Variants in RBFOX1 observed in about 807,000 individuals in gnomAD.
RBFOX1 encodes RNA binding protein fox-1 homolog 1.
A neutral mutation model predicts 57.7 loss-of-function variants in RBFOX1; 8 were observed. The observed-to-expected ratio is 0.14, with a 90% CI of 0.08 to 0.25. The LOEUF is 0.25. Among genes scored for constraint, RBFOX1 ranks in the 10% least tolerant of loss-of-function variants. The pLI is 1.00. For missense variants in RBFOX1, 611 were observed against 548.5 expected (o/e 1.11, Z -1.14); for synonymous variants, 326 against 222.4 (o/e 1.47, Z -4.15).
At chr16:6,390,744 T>C (rs1278393303) in intron 2 of RBFOX1, among the ~76,000 whole-genome samples, 2 of 152,152 alleles carry the variant, frequency 1.3e-5, no homozygotes. Context: ...GGAGCACCTA[T>C]AAATATCGGG....
At chr16:6,812,312 C>T (rs1340332616) in intron 3 of RBFOX1, among the ~76,000 whole-genome samples, 1 of 152,124 alleles carries the variant, frequency 6.6e-6, no homozygotes, top group Non-Finnish European at 1.5e-5. Flanking sequence ...ACTAACAGAA[C>T]CTTAGAAAGG....
chr16:7,043,991 T>C (rs2047044906), intron 3 of RBFOX1, among the ~76,000 whole-genome samples: 1 of 152,228 alleles, frequency 6.6e-6, no homozygotes, highest in Non-Finnish European at 1.5e-5. Flanking sequence ...GGCCACCTCC[T>C]ATGCACTGCA....
intron 3 of RBFOX1, among the ~76,000 whole-genome samples, chr16:6,910,736 G>A (rs770257355): frequency 3.3e-5 from 5 of 152,162 alleles, no homozygotes; most frequent in South Asian, 2.1e-4. Context: ...CTAAAGTAGC[G>A]GAGAGGAGGC....
chr16:7,139,176 C>CTCTCTTTGTGTGTGTG (rs372381673), intron 4 of RBFOX1, among the ~76,000 whole-genome samples: 1 of 145,792 alleles, frequency 6.9e-6, no homozygotes, highest in Non-Finnish European at 1.5e-5. Flanking sequence ...CAATCTCTCT[C>CTCTCTTTGTGTGTGTG]TGTGTGTGTG....
chr16:5,447,301 G>A (rs1295288868), intron 1 of RBFOX1, among the ~76,000 whole-genome samples: 2 of 152,010 alleles, frequency 1.3e-5, no homozygotes, highest in African/African-American at 4.8e-5. Flanking sequence ...CGTATAAGCT[G>A]TGTGACTTTA....
chr16:6,946,712 C>T (rs1048817299), intron 3 of RBFOX1, among the ~76,000 whole-genome samples: 2 of 152,122 alleles, frequency 1.3e-5, no homozygotes, highest in African/African-American at 4.8e-5. Context: ...AAGTGATCCT[C>T]TTGCCTGAGT....
At chr16:5,266,339 G>A (rs1290552481) in intron 1 of RBFOX1, among the ~76,000 whole-genome samples, 1 of 152,146 alleles carries the variant, frequency 6.6e-6, no homozygotes, top group African/African-American at 2.4e-5. Context: ...GCAACCACCA[G>A]TGTCCCCAGA....
chr16:6,781,172 A>T (rs62016080), intron 3 of RBFOX1, among the ~76,000 whole-genome samples: 15,394 of 152,064 alleles, frequency 0.1, 837 homozygotes, highest in Admixed American at 0.13. Context: ...ATTTTTGTAG[A>T]TGGTGAGGAA....
intron 3 of RBFOX1, among the ~76,000 whole-genome samples, chr16:5,658,445 T>G (rs1177465269): frequency 6.6e-6 from 1 of 152,152 alleles, no homozygotes; most frequent in Admixed American, 6.5e-5. Context: ...GGACACTTAA[T>G]TCACTTGATG....
At chr16:5,378,148 T>G (rs1014625671) in intron 1 of RBFOX1, among the ~76,000 whole-genome samples, 13 of 151,730 alleles carry the variant, frequency 8.6e-5, no homozygotes, top group Middle Eastern at 3.4e-3. Context: ...GAGCCTGCAG[T>G]TGTTGAAGGT....
At chr16:6,297,785 C>T (rs2078301820) in intron 1 of RBFOX1, among the ~76,000 whole-genome samples, 1 of 152,056 alleles carries the variant, frequency 6.6e-6, no homozygotes, top group African/African-American at 2.4e-5. Flanking sequence ...AGAGAGGGAG[C>T]ATCTGAACGC....
At chr16:6,625,440 T>A (rs559469233) in intron 2 of RBFOX1, among the ~76,000 whole-genome samples, 1 of 152,320 alleles carries the variant, frequency 6.6e-6, no homozygotes, top group South Asian at 2.1e-4. Context: ...GTCTTGTAGC[T>A]AAATCCTCAG....
chr16:6,284,426 A>G (rs1210998348), intron 1 of RBFOX1, among the ~76,000 whole-genome samples: 6 of 152,200 alleles, frequency 3.9e-5, no homozygotes, highest in Non-Finnish European at 1.5e-5. Flanking sequence ...TAATATCTGC[A>G]TAAATGGAAG....
In RBFOX1 at chr16:6,911,105, G is replaced by A. The variant is rs559532115; in HGVS notation, c.-15-140952G>A. On this transcript the variant is annotated intron_variant, in intron 3 of 15. Transcript: ENST00000550418. ...AATCCCAGCTACTCGGGAGGCTGAG[G>A]CAGGACAATCGCTGGAACCTGGGAA... Among the ~76,000 whole-genome samples the A allele has an allele frequency of 3.3e-5, 5 of 151,908 alleles. No individual in the cohort carries two copies. The South Asian group carries it at 1.0e-3, about 32-fold the overall frequency.
At chr16:7,485,644 T>A (rs1485326437) in intron 4 of RBFOX1, among the ~76,000 whole-genome samples, 5 of 152,214 alleles carry the variant, frequency 3.3e-5, no homozygotes, top group Non-Finnish European at 4.4e-5. Context: ...AATAGAAGAT[T>A]GTTCTATCTA....
chr16:6,229,299 C>G (rs776032015), intron 1 of RBFOX1, among the ~76,000 whole-genome samples: 1 of 152,232 alleles, frequency 6.6e-6, no homozygotes, highest in Non-Finnish European at 1.5e-5. Flanking sequence ...TGAACAGTCT[C>G]ATCGTTCTCC....
At chr16:7,318,542 G>A (rs752536245) in intron 4 of RBFOX1, among the ~76,000 whole-genome samples, 5 of 152,158 alleles carry the variant, frequency 3.3e-5, no homozygotes, top group Admixed American at 3.3e-4. Flanking sequence ...CTGTGAGATG[G>A]GGATGGTGAT....
chr16:6,762,262 T>C (rs751140720), intron 3 of RBFOX1, among the ~76,000 whole-genome samples: 1 of 152,216 alleles, frequency 6.6e-6, no homozygotes, highest in Non-Finnish European at 1.5e-5. Flanking sequence ...AGGTTATATA[T>C]GTAGTGTCTA....
At chr16:5,615,914 C>G (rs1461673106) in intron 3 of RBFOX1, among the ~76,000 whole-genome samples, 1 of 152,186 alleles carries the variant, frequency 6.6e-6, no homozygotes, top group Non-Finnish European at 1.5e-5. Flanking sequence ...AAACGGGTCA[C>G]AGTGGAGCTT....
Sources: gnomAD v4.1 joint callset for allele counts (sites outside exome capture counted in the v4.1 genomes callset) on GRCh38, gnomAD v4.1.1 for gene constraint, MANE v1.5 for transcripts, NCBI Gene and HGNC (gene_info 2026-07-23, HGNC 2026-07-21) for gene names.